The following PPP4R3A variants were observed in gnomAD, a reference collection of about 807,000 sequenced individuals.
PPP4R3A encodes the protein protein phosphatase 4 regulatory subunit 3A.
A neutral mutation model predicts 91.7 loss-of-function variants in PPP4R3A; 15 were observed. The ratio of observed to expected loss-of-function variants is 0.16; its 90% CI spans 0.11 to 0.25. PPP4R3A has a LOEUF of 0.25. Among genes scored for constraint, PPP4R3A ranks in the 10% least tolerant of loss-of-function variants. The pLI, the probability that PPP4R3A is intolerant of heterozygous loss-of-function variation, is 1.00. For synonymous variants in PPP4R3A, 377 were observed against 348.7 expected (o/e 1.08, Z -0.91); for missense variants, 623 against 998.4 (o/e 0.62, Z 5.07).
chr14:91,487,581 C>T (rs1595074026), intron 2 of PPP4R3A, among the ~76,000 whole-genome samples: 1 of 151,956 alleles, frequency 6.6e-6, no homozygotes, highest in South Asian at 2.1e-4. Flanking sequence ...ATGCAAAGGC[C>T]GACTGGGTAT....
chr14:91,497,254 A>AC (rs1246554210), intron 1 of PPP4R3A, among the ~76,000 whole-genome samples: 4 of 151,956 alleles, frequency 2.6e-5, no homozygotes, highest in Admixed American at 1.3e-4. Flanking sequence ...CTCAAGACAG[A>AC]CCCCATTCAC....
At chr14:91,507,504 T>C (rs1015163277) in intron 1 of PPP4R3A, among the ~76,000 whole-genome samples, 1 of 122,906 alleles carries the variant, frequency 8.1e-6, no homozygotes, top group Non-Finnish European at 1.7e-5. Flanking sequence ...ATAGAATATA[T>C]GCTATAATTA....
intron 1 of PPP4R3A, among the ~76,000 whole-genome samples, chr14:91,508,472 G>C (rs1314073980): frequency 1.3e-5 from 2 of 152,126 alleles, no homozygotes; most frequent in Admixed American, 1.3e-4. Context: ...GTTAGCAACT[G>C]CAAAATATAA....
Position 91,463,575 on chromosome 14 carries a change from C to T in PPP4R3A, c.1831-698G>A, listed in dbSNP as rs940969297. Among the ~76,000 whole-genome samples, 7 of 151,256 alleles carry T rather than the reference C, an allele frequency of 4.6e-5. 1 individual carries two copies. The South Asian group carries it at 6.3e-4, about 14-fold the overall frequency. ...CAGCCTCCTGAGCAGCTAGGACTAT[C>T]GGCATGCACCACCATACGGGGCTAA... On this transcript the variant is annotated intron_variant, in intron 11 of 14. Coordinates refer to ENST00000554943, the MANE Select transcript of PPP4R3A (RefSeq NM_001366432.2).
At chr14:91,503,654 G>C (rs1349808016) in intron 1 of PPP4R3A, among the ~76,000 whole-genome samples, 1 of 152,028 alleles carries the variant, frequency 6.6e-6, no homozygotes, top group Non-Finnish European at 1.5e-5. Context: ...GATCTGTGCA[G>C]CAAACCACCA....
intron 1 of PPP4R3A, among the ~76,000 whole-genome samples, chr14:91,498,693 T>A (rs1890738547): frequency 6.6e-6 from 1 of 151,626 alleles, no homozygotes; most frequent in Non-Finnish European, 1.5e-5. Context: ...GGCAGGTGGA[T>A]CACGAGGTCA....
At chr14:91,459,388 G>C (rs1395941229) in intron 14 of PPP4R3A, among the ~76,000 whole-genome samples, 3 of 152,140 alleles carry the variant, frequency 2.0e-5, no homozygotes, top group Non-Finnish European at 2.9e-5. Flanking sequence ...TTACAGGCAT[G>C]AGCCACTGCA....
chr14:91,466,697 T>C lies in PPP4R3A; in HGVS notation c.1661-1278A>G, dbSNP rs541779190. Among the ~76,000 whole-genome samples the C allele has an allele frequency of 1.1e-4, 16 of 152,282 alleles. No individual in the cohort carries two copies. The East Asian group carries it at 3.1e-3, about 29-fold the overall frequency. On this transcript the variant is annotated intron_variant, in intron 10 of 14. Coordinates refer to ENST00000554943, the MANE Select transcript of PPP4R3A (RefSeq NM_001366432.2). Reference sequence around the variant, plus strand: ...AAACACTAAGAGGCATCTTTCTGTGTGATAAGTCAAAGCCTAACAAGGGTT... The same window carrying C: ...AAACACTAAGAGGCATCTTTCTGTGCGATAAGTCAAAGCCTAACAAGGGTT...
At chr14:91,480,942 G>A (rs1244016594) in intron 4 of PPP4R3A, among the ~76,000 whole-genome samples, 2 of 152,062 alleles carry the variant, frequency 1.3e-5, no homozygotes, top group East Asian at 1.9e-4. Flanking sequence ...GGCTGAGGTG[G>A]GAGGACGGCT....
At position 91,461,634 on chromosome 14, in the gene PPP4R3A, C is replaced by A. The variant is rs560373849; in HGVS notation, c.2165-27G>T. ...TAAAAATGAGAATACTGTCAATAGT[C>A]GTCCCCCATACTTCTTTTTTAAATT... On this transcript the variant is annotated intron_variant, in intron 13 of 14. Coordinates refer to ENST00000554943, the MANE Select transcript of PPP4R3A (RefSeq NM_001366432.2). 5 of 1,599,518 alleles carry A rather than the reference C, an allele frequency of 3.1e-6. 1 individual carries two copies. The African/African-American group carries it at 6.7e-5, about 22-fold the overall frequency.
At chr14:91,498,556 G>A (rs73327647) in intron 1 of PPP4R3A, among the ~76,000 whole-genome samples, 3,202 of 152,270 alleles carry the variant, frequency 0.021, 59 homozygotes, top group Admixed American at 0.051. Context: ...CTAGCTGGGC[G>A]TGGTGGCACG....
chr14:91,474,148 T>C (rs894764236), intron 7 of PPP4R3A, among the ~76,000 whole-genome samples: 2 of 152,224 alleles, frequency 1.3e-5, no homozygotes, highest in Admixed American at 1.3e-4. Flanking sequence ...ATATAAAATT[T>C]CCTTTTAAAA....
Position 91,505,190 on chromosome 14 carries a change from C to T in PPP4R3A, c.142+4316G>A, listed in dbSNP as rs560507690. ...AAACGCGGCCGGGTGTGGTGGCTCACGCCTGTAATCCCAGCACTTTGGGAG... is the reference window on the plus strand; with the variant it reads ...AAACGCGGCCGGGTGTGGTGGCTCATGCCTGTAATCCCAGCACTTTGGGAG... On this transcript the variant is annotated intron_variant, in intron 1 of 14. Transcript: ENST00000554943. Among the ~76,000 whole-genome samples, 4 of 152,182 alleles carry T rather than the reference C, an allele frequency of 2.6e-5. No homozygotes were observed. In the South Asian group the frequency reaches 8.3e-4, roughly 32 times the overall value.
chr14:91,464,337 C>T (rs377197265), intron 11 of PPP4R3A, among the ~76,000 whole-genome samples: 3 of 136,108 alleles, frequency 2.2e-5, no homozygotes, highest in East Asian at 5.1e-4. Flanking sequence ...CCTCCCTCAC[C>T]CCCCAAAAAA....
chr14:91,499,085 C>T (rs1890776481), intron 1 of PPP4R3A, among the ~76,000 whole-genome samples: 1 of 151,714 alleles, frequency 6.6e-6, no homozygotes, highest in Non-Finnish European at 1.5e-5. Context: ...CCACGCCCAG[C>T]TGAGACCTCT....
chr14:91,509,880 T>C lies in PPP4R3A; in HGVS notation c.-233A>G. ...GCTCCCCGGCGCTATTGTCCAGGCC[T>C]GGCGAGCCCGGCGCCCGGCAGCCCC... On this transcript the variant is annotated 5_prime_UTR_variant, in exon 1 of 15. Coordinates refer to ENST00000554943, the MANE Select transcript of PPP4R3A (RefSeq NM_001366432.2). The C allele has an allele frequency of 9.1e-7, 1 of 1,097,764 alleles. No individual in the cohort carries two copies. Among genetic ancestry groups the C allele is most frequent in the Non-Finnish European group, 1.1e-6 (1 of 904,012 alleles). The allele number at this position is 1,097,764 out of a possible 1,614,324, so 68.0% of individuals were successfully genotyped here.
At position 91,509,565 on chromosome 14, in the gene PPP4R3A, G is replaced by A. The variant is rs770515342; in HGVS notation, c.83C>T (p.Ser28Leu). The A allele has an allele frequency of 1.9e-6, 3 of 1,602,426 alleles. No individual in the cohort carries two copies. Among genetic ancestry groups the A allele is most frequent in the Non-Finnish European group, 1.7e-6 (2 of 1,178,774 alleles). ...CTTCAGCCGCTCCACGTAGCCAGAC[G>A]ACACATGCCCGGTGCCCCGGTCGTC... ...QWDDRGTGHV[S>L]SGYVERLKGM... The change falls in exon 1 of 15, where the codon TCG becomes TTG. Residue 28 changes from serine (S) to leucine (L), a missense_variant. Ser to Leu is a moderately radical substitution (Grantham distance 145). Around this residue, in one of 5 missense-constraint regions of PPP4R3A, gnomAD observed 51 missense variants for 81.8 expected, o/e 0.62. Coordinates refer to ENST00000554943, the MANE Select transcript of PPP4R3A (RefSeq NM_001366432.2).
At chr14:91,471,126 A>G in intron 9 of PPP4R3A, 131 bp from the exon 10 acceptor site, 1 of 823,888 alleles carries the variant, frequency 1.2e-6, no homozygotes, top group Non-Finnish European at 1.8e-6. Flanking sequence ...GGGAGGAGGA[A>G]ATTAGCATTT....
rs1466630444 is a variant in PPP4R3A, at chr14:91,510,222, G to C, written c.-575C>G. The stretch of plus-strand genomic sequence containing the variant: ...GCCGCCCAAGCGACCCGGACTAGTG[G>C]AAGTCGGTTTCCCTCCGCCGCCGTC... On this transcript the variant is annotated 5_prime_UTR_variant, in exon 1 of 15. Coordinates refer to ENST00000554943, the MANE Select transcript of PPP4R3A (RefSeq NM_001366432.2). 6.6e-6 allele frequency: 1 copy of C among 152,562 alleles called. No homozygotes were observed. Among genetic ancestry groups the C allele is most frequent in the East Asian group, 1.9e-4 (1 of 5,176 alleles). 9.5% of individuals were successfully genotyped at this position (152,562 alleles called of 1,614,324 possible). A position where few individuals can be genotyped will look rare whatever the true frequency, so the allele number is the denominator to read the frequency against.
Sources: allele counts gnomAD v4.1 joint callset (sites outside exome capture counted in the v4.1 genomes callset), GRCh38; gene constraint gnomAD v4.1.1; regional missense constraint gnomAD v4.1.1; transcripts MANE v1.5; gene names NCBI Gene and HGNC (gene_info 2026-07-23, HGNC 2026-07-21).